Variants in CSMD1 observed in about 807,000 individuals in gnomAD.
CSMD1 encodes CUB and Sushi multiple domains 1.
A neutral mutation model predicts 417.5 loss-of-function variants in CSMD1; 213 were observed. That is an observed-to-expected ratio of 0.51 (90% CI 0.46 to 0.57). CSMD1 has a LOEUF of 0.57. CSMD1 is among the 20% of genes least tolerant of loss of function. The probability of loss-of-function intolerance (pLI) is 0.00; values close to 1 mark genes in which losing one functional copy is unlikely to be tolerated. For missense variants in CSMD1, 6,923 were observed against 4,529.7 expected (o/e 1.53, Z -15.17); for synonymous variants, 2,862 against 1,736.8 (o/e 1.65, Z -16.11).
chr8:3,095,634 CA>C (rs2129010363), intron 47 of CSMD1, among the ~76,000 whole-genome samples: 1 of 152,266 alleles, frequency 6.6e-6, no homozygotes, highest in East Asian at 1.9e-4. Context: ...AAACACACAT[CA>C]AATCCATTAG....
At chr8:3,827,312 C>A (rs1300204495) in intron 5 of CSMD1, among the ~76,000 whole-genome samples, 1 of 152,026 alleles carries the variant, frequency 6.6e-6, no homozygotes, top group Non-Finnish European at 1.5e-5. Flanking sequence ...GTCAAAGGCT[C>A]TATATAAAAG....
chr8:4,313,560 T>C (rs1474525141), intron 3 of CSMD1, among the ~76,000 whole-genome samples: 1 of 150,032 alleles, frequency 6.7e-6, no homozygotes, highest in Non-Finnish European at 1.5e-5. Context: ...ATACGTGTTA[T>C]GGGAGGGAAA....
intron 23 of CSMD1, among the ~76,000 whole-genome samples, chr8:3,334,531 G>A (rs992904538): frequency 6.6e-5 from 10 of 152,092 alleles, no homozygotes; most frequent in Admixed American, 1.3e-4. Flanking sequence ...GTATCAATGT[G>A]TTAATAAAAC....
intron 51 of CSMD1, 106 bp from the exon 52 acceptor site, chr8:3,018,756 T>G (rs1809093360): frequency 1.9e-6 from 2 of 1,048,746 alleles, no homozygotes; most frequent in East Asian, 4.9e-5. Context: ...AAACTATTTT[T>G]AGTCTTAATT....
chr8:3,281,040 G>A (rs1474584297), intron 26 of CSMD1, among the ~76,000 whole-genome samples: 3 of 152,140 alleles, frequency 2.0e-5, no homozygotes, highest in Non-Finnish European at 4.4e-5. Flanking sequence ...ATCTAGTCAG[G>A]TGAACTGAAA....
At chr8:2,944,406 G>C (rs1802082043) in intron 68 of CSMD1, among the ~76,000 whole-genome samples, 1 of 152,172 alleles carries the variant, frequency 6.6e-6, no homozygotes, top group South Asian at 2.1e-4. Flanking sequence ...AGTGACAAGG[G>C]GTGGTGCTGT....
chr8:3,752,850 T>A (rs531141603), intron 6 of CSMD1, among the ~76,000 whole-genome samples: 1 of 152,270 alleles, frequency 6.6e-6, no homozygotes, highest in East Asian at 1.9e-4. Context: ...TCCCCGCAAC[T>A]GACCCTTGTT....
intron 49 of CSMD1, 34 bp downstream of exon 49, chr8:3,087,063 G>C: frequency 1.3e-6 from 2 of 1,575,856 alleles, no homozygotes; most frequent in East Asian, 2.2e-5. Flanking sequence ...CAATACACAG[G>C]AAACAAGGCT....
intron 7 of CSMD1, among the ~76,000 whole-genome samples, chr8:3,619,308 C>T (rs1231308192): frequency 6.6e-6 from 1 of 152,106 alleles, no homozygotes; most frequent in African/African-American, 2.4e-5. Flanking sequence ...TTCAGAGGCC[C>T]ACTAATTAGT....
intron 50 of CSMD1, chr8:3,043,771 C>G (rs188318429): frequency 6.6e-6 from 1 of 152,386 alleles, no homozygotes; most frequent in Admixed American, 6.5e-5. Flanking sequence ...AAACCGTCAG[C>G]TCAAAGTGAA....
intron 10 of CSMD1, among the ~76,000 whole-genome samples, chr8:3,539,235 T>A (rs1414894637): frequency 1.3e-5 from 2 of 152,170 alleles, no homozygotes; most frequent in Non-Finnish European, 2.9e-5. Context: ...ATGTGTATCA[T>A]TAATCCTTCA....
At chr8:3,766,408 G>A (rs1285625680) in intron 5 of CSMD1, among the ~76,000 whole-genome samples, 1 of 152,106 alleles carries the variant, frequency 6.6e-6, no homozygotes. Context: ...CTAACCCTTG[G>A]CTGTATCCAA....
intron 3 of CSMD1, among the ~76,000 whole-genome samples, chr8:4,081,175 A>C (rs1800110515): frequency 6.6e-6 from 1 of 152,052 alleles, no homozygotes; most frequent in South Asian, 2.1e-4. Flanking sequence ...TGATAAATAA[A>C]CTTCTGTTAT....
At chr8:4,710,383 TA>T (rs1164153097) in intron 1 of CSMD1, among the ~76,000 whole-genome samples, 5 of 148,148 alleles carry the variant, frequency 3.4e-5, no homozygotes, top group Non-Finnish European at 5.9e-5. Flanking sequence ...ATGAAGTAAA[TA>T]AAAATATATT....
chr8:3,240,938 A>C (rs1248891349), intron 26 of CSMD1, among the ~76,000 whole-genome samples: 1 of 151,920 alleles, frequency 6.6e-6, no homozygotes. Flanking sequence ...AATCCTTTTA[A>C]AGCATGCTGT....
chr8:3,954,430 G>GCC (rs1811798234), intron 5 of CSMD1, among the ~76,000 whole-genome samples: 1 of 152,092 alleles, frequency 6.6e-6, no homozygotes, highest in Non-Finnish European at 1.5e-5. Context: ...TGGCGGTGGT[G>GCC]ATCTCAGCTC....
At chr8:4,206,152 T>C (rs969751268) in intron 3 of CSMD1, among the ~76,000 whole-genome samples, 16 of 152,206 alleles carry the variant, frequency 1.1e-4, no homozygotes, top group Non-Finnish European at 1.6e-4. Flanking sequence ...TCCCTGGCTA[T>C]TATTCAGAAT....
chr8:4,129,742 C>G (rs1007777000), intron 3 of CSMD1, among the ~76,000 whole-genome samples: 1 of 152,074 alleles, frequency 6.6e-6, no homozygotes, highest in African/African-American at 2.4e-5. Flanking sequence ...CCCTTTCAAT[C>G]TGGAAATAAC....
At chr8:3,325,435 A>G (rs1446221086) in intron 23 of CSMD1, among the ~76,000 whole-genome samples, 1 of 152,202 alleles carries the variant, frequency 6.6e-6, no homozygotes, top group Admixed American at 6.5e-5. Flanking sequence ...TCATAATTAC[A>G]TTATTTATGT....
Sources: allele counts gnomAD v4.1 joint callset (sites outside exome capture counted in the v4.1 genomes callset), GRCh38; gene constraint gnomAD v4.1.1; transcripts MANE v1.5; gene names NCBI Gene and HGNC (gene_info 2026-07-23, HGNC 2026-07-21).